Variants in SHH observed in about 807,000 individuals in gnomAD.
SHH encodes the protein sonic hedgehog signaling molecule.
SHH carries 3 observed loss-of-function variants against 16.6 expected under a neutral mutation model. The observed-to-expected ratio is 0.18, with a 90% CI of 0.08 to 0.47. The LOEUF (loss-of-function observed/expected upper bound fraction) is 0.47. SHH is among the 20% of genes least tolerant of loss of function. The pLI, the probability that SHH is intolerant of heterozygous loss-of-function variation, is 0.98. For synonymous variants in SHH, 351 were observed against 316.2 expected (o/e 1.11, Z -1.17); for missense variants, 499 against 665.0 (o/e 0.75, Z 2.75).
At position 155,800,488 on chromosome 7, in the gene SHH, C is replaced by A. The variant is rs930051849; in HGVS notation, c.*2412G>T. 5 of 461,470 alleles carry A rather than the reference C, an allele frequency of 1.1e-5. No individual in the cohort carries two copies. Among genetic ancestry groups the A allele is most frequent in the South Asian group, 7.8e-5 (5 of 63,940 alleles). 28.6% of individuals were successfully genotyped at this position (461,470 alleles called of 1,614,324 possible). A position where few individuals can be genotyped will look rare whatever the true frequency, so the allele number is the denominator to read the frequency against. The stretch of plus-strand genomic sequence containing the variant: ...GGCTTGGTCAACGCCTGGCTTCTCT[C>A]TGATCGTCTGGGCTGCACGGCCACA... On this transcript the variant is annotated 3_prime_UTR_variant, in exon 3 of 3. Coordinates refer to ENST00000297261, the MANE Select transcript of SHH (RefSeq NM_000193.4).
Position 155,809,257 on chromosome 7 carries a change from T to C in SHH, c.300+2566A>G, listed in dbSNP as rs1053289295. Among the ~76,000 whole-genome samples the C allele has an allele frequency of 1.3e-5, 2 of 152,108 alleles. No individual in the cohort carries two copies. The highest frequency in any genetic ancestry group is 1.3e-4 in the Admixed American group (2 of 15,280). On this transcript the variant is annotated intron_variant, in intron 1 of 2. Transcript: ENST00000297261. The surrounding 1 kb of genome is among the most constrained non-coding windows in gnomAD (Gnocchi z 6.1). ...TCCACTGGGGACGATCTCGCCATGGTTGAGGGACTTGGGCGGCAGTCACAT... is the reference window on the plus strand; with the variant it reads ...TCCACTGGGGACGATCTCGCCATGGCTGAGGGACTTGGGCGGCAGTCACAT...
chr7:155,803,780 G>C, intron 2 of SHH, 54 bp from the exon 3 acceptor site: 1 of 1,483,308 alleles, frequency 6.7e-7, no homozygotes, highest in African/African-American at 1.4e-5. Context: ...GTTCCGAGAG[G>C]GAGGCGCGTC....
At position 155,803,825 on chromosome 7, in the gene SHH, C is replaced by T. The variant is rs984889856; in HGVS notation, c.563-99G>A. 7.3e-6 allele frequency: 8 copies of T among 1,101,084 alleles called. No homozygotes were observed. The East Asian group carries it at 1.5e-4, about 21-fold the overall frequency. 68.2% of individuals were successfully genotyped at this position (1,101,084 alleles called of 1,614,324 possible). A position where few individuals can be genotyped will look rare whatever the true frequency, so the allele number is the denominator to read the frequency against. On this transcript the variant is annotated intron_variant, in intron 2 of 2. Coordinates refer to ENST00000297261, the MANE Select transcript of SHH (RefSeq NM_000193.4). ...AGGGCGCACGCTTGGTGCCCGCGCT[C>T]CTAGGCCAGGGGTGCGCAAGGCGCG...
At position 155,811,943 on chromosome 7, in the gene SHH, T is replaced by C. The variant is rs1803532514; in HGVS notation, c.180A>G (p.Gly60=). The change falls in exon 1 of 3, where the codon GGA becomes GGG. Residue 60 remains glycine, a synonymous_variant. Transcript: ENST00000297261. ...NVAEKTLGAS[G]RYEGKISRNS... is the part of the protein sequence containing the mutation. ...TTCTGGAGATCTTCCCTTCATACCT[T>C]CCGCTGGCGCCTAGGGTCTTCTCGG... 1 of 1,614,126 alleles carries C rather than the reference T, an allele frequency of 6.2e-7. No individual in the cohort carries two copies. Among genetic ancestry groups the C allele is most frequent in the East Asian group, 2.2e-5 (1 of 44,860 alleles).
Position 155,802,874 on chromosome 7 carries a change from CGCGCCCCT to C in SHH, c.*18_*25del. 4.6e-6 allele frequency: 5 copies of C among 1,079,074 alleles called. No individual in the cohort carries two copies. Among genetic ancestry groups the C allele is most frequent in the Non-Finnish European group, 6.1e-6 (5 of 816,400 alleles). The allele number at this position is 1,079,074 out of a possible 1,614,324, so 66.8% of individuals were successfully genotyped here. ...GTTGCTGCCCCGCCCCGCCCCCTCCCGCGCCCCTCCCCCGGCCCCCCGGCTTCAGCTGG... is the reference window on the plus strand; with the variant it reads ...GTTGCTGCCCCGCCCCGCCCCCTCCCCCCCCGGCCCCCCGGCTTCAGCTGG... On this transcript the variant is annotated 3_prime_UTR_variant, in exon 3 of 3. Transcript: ENST00000297261.
At chr7:155,810,122 A>T (rs1400544515) in intron 1 of SHH, among the ~76,000 whole-genome samples, 1 of 152,020 alleles carries the variant, frequency 6.6e-6, no homozygotes, top group South Asian at 2.1e-4. Context: ...GCCGCGGGGG[A>T]TCGATAACCC....
Position 155,803,090 on chromosome 7 carries a change from T to A in SHH, c.1199A>T (p.Asp400Val), listed in dbSNP as rs1395203013. The change falls in exon 3 of 3, where the codon GAC (aspartate) becomes GTC (valine). Residue 400 changes from aspartate (D) to valine (V), a missense_variant. Asp to Val is a radical substitution (Grantham distance 152, BLOSUM62 -3). Coordinates refer to ENST00000297261, the MANE Select transcript of SHH (RefSeq NM_000193.4). ...LAPARTDRGG[D>V]SGGGDRGGGG... ...GCCCCCGCGGTCCCCGCCGCCGCTG[T>A]CCCCGCCGCGGTCCGTGCGCGCGGG... 3 of 1,350,454 alleles carry A rather than the reference T, an allele frequency of 2.2e-6. No individual in the cohort carries two copies. Among genetic ancestry groups the A allele is most frequent in the African/African-American group, 3.0e-5 (2 of 65,676 alleles). 83.7% of individuals were successfully genotyped at this position (1,350,454 alleles called of 1,614,324 possible). A position where few individuals can be genotyped will look rare whatever the true frequency, so the allele number is the denominator to read the frequency against.
At chr7:155,804,131 G>GCGGGCGC (rs1803283976) in intron 2 of SHH, among the ~76,000 whole-genome samples, 1 of 151,894 alleles carries the variant, frequency 6.6e-6, no homozygotes, top group Non-Finnish European at 1.5e-5. Flanking sequence ...TTGAGCTCCC[G>GCGGGCGC]CGGGCGCCGG....
rs906164586 is a variant in SHH at position 155,801,267 on chromosome 7, T to C, written c.*1633A>G. 6.6e-6 allele frequency: 1 copy of C among 152,550 alleles called. No individual in the cohort carries two copies. The highest frequency in any genetic ancestry group is 2.4e-5 in the African/African-American group (1 of 41,466). The allele number at this position is 152,550 out of a possible 1,614,324, so 9.4% of individuals were successfully genotyped here. ...GCGACTGGCCCTCGCCACTGTGGGC[T>C]TGCCACTCAGATTTAAGGGGACCCT... On this transcript the variant is annotated 3_prime_UTR_variant, in exon 3 of 3. Transcript: ENST00000297261.
chr7:155,803,300 G>A lies in SHH; in HGVS notation c.989C>T (p.Ala330Val), dbSNP rs886043421. ...ERDGDRRLLP[A>V]AVHSVTLSEE... ...GCTTAGGGTCACGCTGTGCACAGCG[G>A]CGGGCAGGAGCCGGCGGTCCCCGTC... The change falls in exon 3 of 3, where the codon GCC (alanine) becomes GTC (valine). Residue 330 changes from alanine (A) to valine (V), a missense_variant. Transcript: ENST00000297261. The A allele has an allele frequency of 3.4e-6, 5 of 1,482,316 alleles. No homozygotes were observed. In the African/African-American group the frequency reaches 7.3e-5, roughly 22 times the overall value. The allele number at this position is 1,482,316 out of a possible 1,614,324, so 91.8% of individuals were successfully genotyped here.
rs911442552 is a variant in SHH, at chr7:155,809,915, G to A, written c.300+1908C>T. On this transcript the variant is annotated intron_variant, in intron 1 of 2. Coordinates refer to ENST00000297261, the MANE Select transcript of SHH (RefSeq NM_000193.4). The surrounding 1 kb of genome is among the most constrained non-coding windows in gnomAD (Gnocchi z 6.1). The stretch of plus-strand genomic sequence containing the variant: ...GGCAGGCGGCGGACTGGGGATGGGG[G>A]CGCGTCCCAGGGCAGGCCGGCGGAG... Among the ~76,000 whole-genome samples, 2 of 151,522 alleles carry A rather than the reference G, an allele frequency of 1.3e-5. No homozygotes were observed. Among genetic ancestry groups the A allele is most frequent in the African/African-American group, 4.8e-5 (2 of 41,370 alleles).
chr7:155,810,351 C>A (rs1293392831), intron 1 of SHH, among the ~76,000 whole-genome samples: 3 of 152,258 alleles, frequency 2.0e-5, no homozygotes, highest in African/African-American at 7.2e-5. Context: ...TGCCTCCCTC[C>A]TCTCGGGTTC....
rs1490333199 is a variant in SHH, at chr7:155,809,475, C to T, written c.300+2348G>A. Among the ~76,000 whole-genome samples the T allele has an allele frequency of 6.6e-6, 1 of 152,042 alleles. No homozygotes were observed. The highest frequency in any genetic ancestry group is 1.5e-5 in the Non-Finnish European group (1 of 68,012). On this transcript the variant is annotated intron_variant, in intron 1 of 2. Transcript: ENST00000297261. This position sits in a 1 kb window ranked among gnomAD's most constrained non-coding sequence, Gnocchi z 6.1. Reference sequence around the variant, plus strand: ...GCCTCCGCCTTCCCCATCCCTTCCTCCCCCACCCTTAACTCCTGGAATCGG... The same window carrying T: ...GCCTCCGCCTTCCCCATCCCTTCCTTCCCCACCCTTAACTCCTGGAATCGG...
intron 1 of SHH, among the ~76,000 whole-genome samples, chr7:155,811,397 C>G (rs1209538976): frequency 6.6e-6 from 1 of 152,192 alleles, no homozygotes; most frequent in Non-Finnish European, 1.5e-5. Context: ...TTCGTTCGTT[C>G]GTACAGTACC....
chr7:155,811,919 T>C lies in SHH; in HGVS notation c.204A>G (p.Arg68=), dbSNP rs769976682. 6.2e-7 allele frequency: 1 copy of C among 1,614,124 alleles called. No individual in the cohort carries two copies. Among genetic ancestry groups the C allele is most frequent in the Non-Finnish European group, 8.5e-7 (1 of 1,180,038 alleles). ...ASGRYEGKIS[R]NSERFKELTP... The stretch of plus-strand genomic sequence containing the variant: ...TGAGTTCCTTAAATCGCTCGGAGTT[T>C]CTGGAGATCTTCCCTTCATACCTTC... Residue 68 remains arginine (R), a synonymous_variant, in exon 1 of 3, where the codon AGA becomes AGG. Coordinates refer to ENST00000297261, the MANE Select transcript of SHH (RefSeq NM_000193.4).
At chr7:155,808,739 C>A (rs899496176) in intron 1 of SHH, among the ~76,000 whole-genome samples, 1 of 152,208 alleles carries the variant, frequency 6.6e-6, no homozygotes, top group African/African-American at 2.4e-5. Flanking sequence ...GTGCAGCCAC[C>A]GTGAAGCCCA....
In SHH at chr7:155,800,420, C is replaced by A; in HGVS notation, c.*2480G>T. Reference sequence around the variant, plus strand: ...CGGGTGAAGCTCTGCTCCAAGGTGCCCCAGTCACCAGCAGAGTTGCACCAT... The same window carrying A: ...CGGGTGAAGCTCTGCTCCAAGGTGCACCAGTCACCAGCAGAGTTGCACCAT... On this transcript the variant is annotated 3_prime_UTR_variant, in exon 3 of 3. Coordinates refer to ENST00000297261, the MANE Select transcript of SHH (RefSeq NM_000193.4). The A allele has an allele frequency of 2.5e-6, 1 of 395,736 alleles. No individual in the cohort carries two copies. Among genetic ancestry groups the A allele is most frequent in the Non-Finnish European group, 5.1e-6 (1 of 196,416 alleles). 24.5% of individuals were successfully genotyped at this position (395,736 alleles called of 1,614,324 possible). A position where few individuals can be genotyped will look rare whatever the true frequency, so the allele number is the denominator to read the frequency against.
At chr7:155,803,886 C>T (rs1803274999) in intron 2 of SHH, among the ~76,000 whole-genome samples, 160 bp from the exon 3 acceptor site, 1 of 152,060 alleles carries the variant, frequency 6.6e-6, no homozygotes, top group African/African-American at 2.4e-5. Flanking sequence ...GTCCCGCACA[C>T]ACCTCCCTCC....
At position 155,807,052 on chromosome 7, in the gene SHH, G is replaced by A. The variant is rs1219830548; in HGVS notation, c.301-495C>T. 1 of 224,244 alleles carries A rather than the reference G, an allele frequency of 4.5e-6. No individual in the cohort carries two copies. Among genetic ancestry groups the A allele is most frequent in the Non-Finnish European group, 9.0e-6 (1 of 111,312 alleles). The allele number at this position is 224,244 out of a possible 1,614,324, so 13.9% of individuals were successfully genotyped here. On this transcript the variant is annotated intron_variant, in intron 1 of 2. Transcript: ENST00000297261. This position sits in a 1 kb window ranked among gnomAD's most constrained non-coding sequence, Gnocchi z 7.1. ...CACAGCAGGCCTGACAGAGACCTGG[G>A]CGCAAGTTCCCAGAAATAAAGAAAA...
Sources: allele counts gnomAD v4.1 joint callset (sites outside exome capture counted in the v4.1 genomes callset), GRCh38; gene constraint gnomAD v4.1.1; non-coding constraint Gnocchi (gnomAD v3.1); transcripts MANE v1.5; gene names NCBI Gene and HGNC (gene_info 2026-07-23, HGNC 2026-07-21).